Variants in RBFOX3 observed in about 807,000 individuals in gnomAD.
RBFOX3 encodes RNA binding fox-1 homolog 3.
A neutral mutation model predicts 48.7 loss-of-function variants in RBFOX3; 17 were observed. The observed-to-expected ratio is 0.35, with a 90% CI of 0.24 to 0.52. RBFOX3 has a LOEUF of 0.52. Among genes scored for constraint, RBFOX3 ranks in the 20% least tolerant of loss-of-function variants. RBFOX3 has a pLI of 0.94. For synonymous variants in RBFOX3, 212 were observed against 209.5 expected (o/e 1.01, Z -0.10); for missense variants, 382 against 497.5 (o/e 0.77, Z 2.21).
chr17:79,402,525 TG>T (rs2062940787), intron 2 of RBFOX3, among the ~76,000 whole-genome samples: 1 of 152,106 alleles, frequency 6.6e-6, no homozygotes, highest in Non-Finnish European at 1.5e-5. Flanking sequence ...GGGCTCCCGC[TG>T]GAGTGAGCGC....
chr17:79,250,356 T>C (rs1008558798), intron 3 of RBFOX3, among the ~76,000 whole-genome samples: 2 of 152,234 alleles, frequency 1.3e-5, no homozygotes, highest in African/African-American at 2.4e-5. Flanking sequence ...GTTCTGTTCA[T>C]GCAGAAGGTC....
intron 2 of RBFOX3, among the ~76,000 whole-genome samples, chr17:79,336,389 AAAAT>A (rs71161661): frequency 0.85 from 124,783 of 146,800 alleles, 53,224 homozygotes; most frequent in Non-Finnish European, 0.89. Context: ...TTCATCTCAA[AAAAT>A]AAATAAATAA....
intron 1 of RBFOX3, among the ~76,000 whole-genome samples, chr17:79,531,366 C>G (rs1402400512): frequency 1.3e-5 from 2 of 152,168 alleles, no homozygotes; most frequent in African/African-American, 2.4e-5. Context: ...GCGGCCCAGG[C>G]GAGCAGGTGG....
intron 4 of RBFOX3, among the ~76,000 whole-genome samples, chr17:79,228,389 G>A (rs892410896): frequency 1.3e-5 from 2 of 152,178 alleles, no homozygotes; most frequent in Admixed American, 1.3e-4. Context: ...GCCCGGACAA[G>A]CCTCCTCTCC....
the RBFOX3 span, among the ~76,000 whole-genome samples, chr17:79,652,584 G>A: frequency 2.8e-3 from 3 of 1,082 alleles, no homozygotes; most frequent in Admixed American, 0.024. Context: ...AAGGAGAGGA[G>A]AGGAGAGGAG....
rs1367600447 is a variant in RBFOX3, at chr17:79,282,436, A to G, written c.-74+25288T>C. Among the ~76,000 whole-genome samples the G allele has an allele frequency of 3.9e-5, 6 of 152,248 alleles. 1 individual carries two copies. The highest frequency in any genetic ancestry group is 6.5e-5 in the Admixed American group (1 of 15,286). On this transcript the variant is annotated intron_variant, in intron 3 of 14. Transcript: ENST00000693108. ...CGGGAGCTTAATTTCATTCGGAATG[A>G]AAAATGACGAGAGTGAATTGGACCA...
chr17:79,476,192 G>A (rs2077721159), intron 2 of RBFOX3, among the ~76,000 whole-genome samples: 1 of 152,210 alleles, frequency 6.6e-6, no homozygotes, highest in African/African-American at 2.4e-5. Flanking sequence ...ACATCTGGAA[G>A]CTCTTCTCAC....
intron 5 of RBFOX3, among the ~76,000 whole-genome samples, chr17:79,113,301 A>G (rs1189172185): frequency 6.6e-6 from 1 of 152,094 alleles, no homozygotes; most frequent in Non-Finnish European, 1.5e-5. Context: ...TGCATGAACA[A>G]ATACTCCAAG....
chr17:79,348,367 C>T (rs969987387), intron 2 of RBFOX3, among the ~76,000 whole-genome samples: 14 of 152,132 alleles, frequency 9.2e-5, no homozygotes, highest in Non-Finnish European at 1.5e-4. Flanking sequence ...TTCCCCTTCA[C>T]GCTTATTCTC....
chr17:79,445,066 G>A (rs1316304694), intron 2 of RBFOX3, among the ~76,000 whole-genome samples: 1 of 152,086 alleles, frequency 6.6e-6, no homozygotes, highest in Non-Finnish European at 1.5e-5. Flanking sequence ...ATGTGTGTTG[G>A]AGCCTGTGTC....
rs782767030 is a variant in RBFOX3 at position 79,452,765 on chromosome 17, G to A, written c.-175+29689C>T. Among the ~76,000 whole-genome samples the A allele has an allele frequency of 3.2e-4, 49 of 152,324 alleles. No homozygotes were observed. In the Middle Eastern group the frequency reaches 0.014, roughly 42 times the overall value. On this transcript the variant is annotated intron_variant, in intron 2 of 14. Transcript: ENST00000693108. ...AAGTTGGCATCTCCCTGCCATCAGT[G>A]GAGAAGCAGGCCCGGCAGGGTCAGG...
intron 1 of RBFOX3, among the ~76,000 whole-genome samples, chr17:79,513,279 A>G (rs1482481477): frequency 6.6e-6 from 1 of 151,862 alleles, no homozygotes; most frequent in Non-Finnish European, 1.5e-5. Context: ...ACCCGAATGC[A>G]TGTCACCATT....
At chr17:79,475,604 A>G (rs1226771447) in intron 2 of RBFOX3, among the ~76,000 whole-genome samples, 1 of 152,174 alleles carries the variant, frequency 6.6e-6, no homozygotes, top group African/African-American at 2.4e-5. Context: ...GTGGGCCCCG[A>G]TCCAATGACT....
chr17:79,124,810 G>A (rs953830699), intron 4 of RBFOX3, among the ~76,000 whole-genome samples: 1 of 152,228 alleles, frequency 6.6e-6, no homozygotes, highest in African/African-American at 2.4e-5. Context: ...CCTGGTGACA[G>A]TGGGGGGTGG....
At chr17:79,541,279 G>A (rs2089657201) in intron 1 of RBFOX3, among the ~76,000 whole-genome samples, 1 of 152,016 alleles carries the variant, frequency 6.6e-6, no homozygotes, top group Non-Finnish European at 1.5e-5. Context: ...ATTTCATTAT[G>A]TGCCCATGAG....
intron 3 of RBFOX3, among the ~76,000 whole-genome samples, chr17:79,280,444 G>C (rs943430242): frequency 2.6e-5 from 4 of 152,214 alleles, no homozygotes; most frequent in African/African-American, 9.6e-5. Flanking sequence ...TGGAATGTGA[G>C]GCCCACCCAT....
intron 2 of RBFOX3, among the ~76,000 whole-genome samples, chr17:79,324,918 A>C (rs867890414): frequency 6.6e-6 from 1 of 152,366 alleles, no homozygotes; most frequent in Middle Eastern, 3.4e-3. Context: ...CATCCCAAGG[A>C]CTATCCTCTG....
intron 1 of RBFOX3, among the ~76,000 whole-genome samples, chr17:79,589,483 G>T (rs2093355346): frequency 6.6e-6 from 1 of 152,150 alleles, no homozygotes; most frequent in East Asian, 1.9e-4. Context: ...CCTCTGAGAA[G>T]ACCCTGTCTC....
At chr17:79,495,766 C>G (rs1395928043) in intron 1 of RBFOX3, among the ~76,000 whole-genome samples, 1 of 103,606 alleles carries the variant, frequency 9.7e-6, no homozygotes, top group Non-Finnish European at 2.0e-5. Context: ...GGGCACGGGG[C>G]AGGGGAGGGG....
Sources: gnomAD v4.1 joint callset for allele counts (sites outside exome capture counted in the v4.1 genomes callset) on GRCh38, gnomAD v4.1.1 for gene constraint, MANE v1.5 for transcripts, NCBI Gene and HGNC (gene_info 2026-07-23, HGNC 2026-07-21) for gene names.